The following MCMDC2 variants were observed in gnomAD, a reference collection of about 807,000 sequenced individuals.
The protein encoded by MCMDC2 is minichromosome maintenance domain-containing protein 2.
A neutral mutation model predicts 75.8 loss-of-function variants in MCMDC2; 54 were observed. The observed-to-expected ratio is 0.71, with a 90% CI of 0.57 to 0.89. MCMDC2 has a LOEUF of 0.89. MCMDC2 is among the 40% of genes least tolerant of loss of function. MCMDC2 has a pLI of 0.00. For synonymous variants in MCMDC2, 249 were observed against 274.6 expected (o/e 0.91, Z 0.92); for missense variants, 656 against 780.4 (o/e 0.84, Z 1.90).
At chr8:66,892,581 G>T (rs114429691) in intron 10 of MCMDC2, among the ~76,000 whole-genome samples, 1 of 152,146 alleles carries the variant, frequency 6.6e-6, no homozygotes, top group Admixed American at 6.5e-5. Flanking sequence ...GCTGAGTCTG[G>T]GGTTTTTATG....
intron 9 of MCMDC2, among the ~76,000 whole-genome samples, chr8:66,889,776 C>G (rs1227494401): frequency 2.0e-5 from 3 of 152,086 alleles, no homozygotes; most frequent in Non-Finnish European, 4.4e-5. Context: ...AGCCTAGTGA[C>G]AGGCAGAGGT....
downstream of MCMDC2, among the ~76,000 whole-genome samples, chr8:66,925,121 C>CCCGA (rs772876902): frequency 1.1e-4 from 17 of 152,208 alleles, no homozygotes; most frequent in South Asian, 6.2e-4. Context: ...CACGAAGCCT[C>CCCGA]CCGACGGTCC....
chr8:66,887,513 G>A (rs1811901598), intron 9 of MCMDC2, among the ~76,000 whole-genome samples: 1 of 152,096 alleles, frequency 6.6e-6, no homozygotes, highest in Non-Finnish European at 1.5e-5. Flanking sequence ...GACTGCCACT[G>A]CACTCTGGCC....
chr8:66,889,829 A>T (rs901810773), intron 9 of MCMDC2, among the ~76,000 whole-genome samples: 2 of 152,122 alleles, frequency 1.3e-5, no homozygotes, highest in African/African-American at 4.8e-5. Flanking sequence ...AGCCTTGGCG[A>T]CTGAGAGAGA....
chr8:66,877,648 T>C (rs1338258099), intron 5 of MCMDC2, 104 bp downstream of exon 5: 9 of 793,538 alleles, frequency 1.1e-5, no homozygotes, highest in African/African-American at 1.8e-5. Flanking sequence ...GAGGATCACC[T>C]GAGCTCAGGA....
chr8:66,902,629 G>A (rs1452297602), intron 13 of MCMDC2, among the ~76,000 whole-genome samples: 42 of 146,064 alleles, frequency 2.9e-4, no homozygotes, highest in Admixed American at 1.3e-3. Context: ...CAGAGGCGGA[G>A]GTTGCAGTGG....
At chr8:66,918,467 T>G (rs1436976960) in intron 14 of MCMDC2, among the ~76,000 whole-genome samples, 2 of 152,194 alleles carry the variant, frequency 1.3e-5, no homozygotes, top group Non-Finnish European at 2.9e-5. Context: ...TCCCCTAGAA[T>G]GGTCTTGAAA....
chr8:66,874,185 C>T lies in MCMDC2; in HGVS notation c.45C>T (p.Asp15=), dbSNP rs145459433. 48 of 1,610,644 alleles carry T rather than the reference C, an allele frequency of 3.0e-5. 1 individual carries two copies. In the South Asian group the frequency reaches 3.1e-4, roughly 10 times the overall value. Residue 15 remains aspartate, a synonymous_variant, in exon 2 of 15, where the codon GAC becomes GAT. Transcript: ENST00000422365. Reference sequence around the variant, plus strand: ...AAGAGGCGGCCCTCATCTATCTTGACAGAAGTGGAGGCCTCCAAAAGTTTA... The same window carrying T: ...AAGAGGCGGCCCTCATCTATCTTGATAGAAGTGGAGGCCTCCAAAAGTTTA... ...KMKEAALIYL[D]RSGGLQKFID... is the part of the protein sequence containing the mutation.
intron 12 of MCMDC2, among the ~76,000 whole-genome samples, chr8:66,899,493 T>C (rs1428675044): frequency 6.6e-6 from 1 of 152,108 alleles, no homozygotes; most frequent in Non-Finnish European, 1.5e-5. Context: ...ATCTAGGACA[T>C]GTCTCTATGC....
Position 66,905,354 on chromosome 8 carries a change from AATG to A in MCMDC2, c.1879+22_1879+24del, listed in dbSNP as rs1224400575. The A allele has an allele frequency of 2.8e-6, 4 of 1,437,994 alleles. No homozygotes were observed. Among genetic ancestry groups the A allele is most frequent in the Non-Finnish European group, 3.7e-6 (4 of 1,090,038 alleles). The allele number at this position is 1,437,994 out of a possible 1,614,324, so 89.1% of individuals were successfully genotyped here. On this transcript the variant is annotated intron_variant, in intron 14 of 14. Coordinates refer to ENST00000422365, the MANE Select transcript of MCMDC2 (RefSeq NM_173518.5). ...AAATATGGTAATGAATTAAATTATT[AATG>A]ATCACTACAAATAACTTTTATTTAA...
At chr8:66,901,380 C>A in intron 13 of MCMDC2, 32 bp downstream of exon 13, 1 of 1,581,586 alleles carries the variant, frequency 6.3e-7, no homozygotes, top group Non-Finnish European at 8.6e-7. Context: ...TTAAAATCAG[C>A]ATTGAGTTTC....
intron 9 of MCMDC2, among the ~76,000 whole-genome samples, chr8:66,886,158 CTTTTTTT>C (rs775562349): frequency 2.4e-5 from 3 of 123,442 alleles, no homozygotes; most frequent in South Asian, 2.7e-4. Context: ...ATATGTATAA[CTTTTTTT>C]TTTTTTTTTT....
intron 9 of MCMDC2, among the ~76,000 whole-genome samples, chr8:66,888,391 T>G (rs1216394262): frequency 6.6e-6 from 1 of 152,234 alleles, no homozygotes; most frequent in African/African-American, 2.4e-5. Flanking sequence ...CAAATCAGTA[T>G]GTTAATACCA....
chr8:66,920,108 CAG>C lies in MCMDC2; in HGVS notation c.*943_*944del, dbSNP rs1206238220. On this transcript the variant is annotated 3_prime_UTR_variant, in exon 15 of 15. Transcript: ENST00000422365. ...AATTCTTTCAAAACTGGTCCCTTAA[CAG>C]AGATGCTTAACTGTACAGCTGGACC... 1 of 152,190 alleles carries C rather than the reference CAG, an allele frequency of 6.6e-6. No individual in the cohort carries two copies. The highest frequency in any genetic ancestry group is 1.5e-5 in the Non-Finnish European group (1 of 68,036). 9.4% of individuals were successfully genotyped at this position (152,190 alleles called of 1,614,324 possible).
At chr8:66,882,615 T>TG (rs1811641176) in intron 8 of MCMDC2, among the ~76,000 whole-genome samples, 1 of 152,124 alleles carries the variant, frequency 6.6e-6, no homozygotes, top group African/African-American at 2.4e-5. Flanking sequence ...CCGCCCACCT[T>TG]GGCCTTCCAA....
rs1346004994 is a variant in MCMDC2, at chr8:66,918,953, T to C, written c.1880-50T>C. 4 of 1,324,408 alleles carry C rather than the reference T, an allele frequency of 3.0e-6. No homozygotes were observed. The South Asian group carries it at 5.8e-5, about 19-fold the overall frequency. The allele number at this position is 1,324,408 out of a possible 1,614,324, so 82.0% of individuals were successfully genotyped here. On this transcript the variant is annotated intron_variant, in intron 14 of 14. Coordinates refer to ENST00000422365, the MANE Select transcript of MCMDC2 (RefSeq NM_173518.5). ...GGTTGAAAATGTGATTTCATACTTGTCATTTTAAGGAGTATTTGTCATTTA... is the reference window on the plus strand; with the variant it reads ...GGTTGAAAATGTGATTTCATACTTGCCATTTTAAGGAGTATTTGTCATTTA...
chr8:66,920,638 AAC>A lies in MCMDC2; in HGVS notation c.*1473_*1474del, dbSNP rs1813490233. 1 of 152,184 alleles carries A rather than the reference AAC, an allele frequency of 6.6e-6. No individual in the cohort carries two copies. Among genetic ancestry groups the A allele is most frequent in the African/African-American group, 2.4e-5 (1 of 41,434 alleles). The allele number at this position is 152,184 out of a possible 1,614,324, so 9.4% of individuals were successfully genotyped here. A position where few individuals can be genotyped will look rare whatever the true frequency, so the allele number is the denominator to read the frequency against. On this transcript the variant is annotated 3_prime_UTR_variant, in exon 15 of 15. Coordinates refer to ENST00000422365, the MANE Select transcript of MCMDC2 (RefSeq NM_173518.5). Reference sequence around the variant, plus strand: ...CTGGCTCTCTATGGGGGGAAGGCAAAACACATTCCTATTTTATAAAACTAGGA... The same window carrying A: ...CTGGCTCTCTATGGGGGGAAGGCAAAACATTCCTATTTTATAAAACTAGGA...
chr8:66,881,101 G>T, intron 8 of MCMDC2, 127 bp downstream of exon 8: 2 of 707,040 alleles, frequency 2.8e-6, no homozygotes, highest in Non-Finnish European at 4.0e-6. Flanking sequence ...TTGTAAACAG[G>T]ACAGTCAAGG....
intron 14 of MCMDC2, among the ~76,000 whole-genome samples, chr8:66,909,108 T>TA (rs1185054125): frequency 1.3e-5 from 2 of 152,192 alleles, no homozygotes; most frequent in Admixed American, 1.3e-4. Context: ...CTGATGGTTT[T>TA]ATAAGGGCTC....
Sources: gnomAD v4.1 joint callset for allele counts (sites outside exome capture counted in the v4.1 genomes callset) on GRCh38, gnomAD v4.1.1 for gene constraint, MANE v1.5 for transcripts, NCBI Gene and HGNC (gene_info 2026-07-23, HGNC 2026-07-21) for gene names.